ST8SIA4: variants seen among roughly 807,000 people sequenced by gnomAD.
ST8SIA4 encodes CMP-N-acetylneuraminate-poly-alpha-2,8-sialyltransferase.
A neutral mutation model predicts 33.9 loss-of-function variants in ST8SIA4; 15 were observed. The ratio of observed to expected loss-of-function variants is 0.44; its 90% confidence interval spans 0.30 to 0.68. The LOEUF (loss-of-function observed/expected upper bound fraction) is 0.68. Ranked by LOEUF, ST8SIA4 falls within the 30% of genes least tolerant of loss-of-function variation. ST8SIA4 has a pLI of 0.10. For missense variants in ST8SIA4, 321 were observed against 428.0 expected, an observed-to-expected ratio of 0.75 and a Z score of 2.21; for synonymous variants, 171 against 151.2, an observed-to-expected ratio of 1.13 and a Z score of -0.96.
Position 100,903,277 on chromosome 5 carries a change from G to A in ST8SIA4, c.-322C>T. 1 of 342,776 alleles carries A rather than the reference G, an allele frequency of 2.9e-6. No homozygotes were observed. The highest frequency in any genetic ancestry group is 7.2e-5 in the East Asian group (1 of 13,948). 21.2% of individuals were successfully genotyped at this position (342,776 alleles called of 1,614,324 possible). A position where few individuals can be genotyped will look rare whatever the true frequency, so the allele number is the denominator to read the frequency against. ...GGCAGCTTCTGCAGCTGGGTTCGGG[G>A]GCGTCACTGGCCCTTCCCTCTTGCT... On this transcript the variant is annotated 5_prime_UTR_variant, in exon 1 of 5. Coordinates refer to ENST00000231461, the MANE Select transcript of ST8SIA4 (RefSeq NM_005668.6).
intron 4 of ST8SIA4, among the ~76,000 whole-genome samples, chr5:100,823,496 G>A (rs1751076210): frequency 1.3e-5 from 2 of 152,142 alleles, no homozygotes; most frequent in African/African-American, 4.8e-5. Context: ...CACTCTTGGG[G>A]TCTAGATGGG....
chr5:100,869,466 T>C (rs1221732865), intron 3 of ST8SIA4, among the ~76,000 whole-genome samples: 1 of 152,182 alleles, frequency 6.6e-6, no homozygotes, highest in African/African-American at 2.4e-5. Context: ...TGTTATCATC[T>C]TACTTTCTGC....
At chr5:100,878,987 G>C (rs114075315) in intron 3 of ST8SIA4, among the ~76,000 whole-genome samples, 10 of 152,032 alleles carry the variant, frequency 6.6e-5, no homozygotes, top group Admixed American at 6.6e-4. Flanking sequence ...ATCCCGTACC[G>C]CATGAAAGAC....
rs969191590 is a variant in ST8SIA4, at chr5:100,899,635, T to C, written c.113+3208A>G. Among the ~76,000 whole-genome samples the C allele has an allele frequency of 1.3e-5, 2 of 152,212 alleles. 1 individual carries two copies. The highest frequency in any genetic ancestry group is 2.9e-5 in the Non-Finnish European group (2 of 68,032). On this transcript the variant is annotated intron_variant, in intron 1 of 4. Transcript: ENST00000231461. ...ACCAGAAAAATAGTGTGTAGCAAGATTTAAGGACTAACAAAACAAATATTT... is the reference window on the plus strand; with the variant it reads ...ACCAGAAAAATAGTGTGTAGCAAGACTTAAGGACTAACAAAACAAATATTT...
chr5:100,829,086 C>A (rs1204183242), intron 4 of ST8SIA4, among the ~76,000 whole-genome samples: 1 of 152,164 alleles, frequency 6.6e-6, no homozygotes, highest in East Asian at 1.9e-4. Flanking sequence ...CTATAAACTG[C>A]GAATATTCTG....
At chr5:100,891,203 T>C (rs539809514) in intron 2 of ST8SIA4, among the ~76,000 whole-genome samples, 1 of 152,092 alleles carries the variant, frequency 6.6e-6, no homozygotes, top group Non-Finnish European at 1.5e-5. Context: ...AGGTGGAATG[T>C]ATCACAAGTT....
chr5:100,844,730 C>G (rs542683502), intron 4 of ST8SIA4, among the ~76,000 whole-genome samples: 55 of 152,104 alleles, frequency 3.6e-4, no homozygotes, highest in Admixed American at 1.8e-3. Context: ...GGCTCCAATA[C>G]TTGCCTTTAT....
At chr5:100,895,274 A>G (rs1243754968) in intron 2 of ST8SIA4, among the ~76,000 whole-genome samples, 1 of 152,060 alleles carries the variant, frequency 6.6e-6, no homozygotes, top group Admixed American at 6.6e-5. Flanking sequence ...ATAGGCTCTA[A>G]TTTTCAGCTA....
At chr5:100,816,619 C>T (rs1750924448) in intron 4 of ST8SIA4, 1 of 505,730 alleles carries the variant, frequency 2.0e-6, no homozygotes, top group South Asian at 1.5e-5. Flanking sequence ...TCAAATGTGA[C>T]AATTTCTAGA....
At chr5:100,899,661 A>G (rs867665914) in intron 1 of ST8SIA4, among the ~76,000 whole-genome samples, 17 of 152,216 alleles carry the variant, frequency 1.1e-4, no homozygotes, top group Admixed American at 1.3e-4. Flanking sequence ...ACAAATATTT[A>G]TATGACATTA....
chr5:100,824,945 T>C (rs1227063118), intron 4 of ST8SIA4, among the ~76,000 whole-genome samples: 1 of 151,468 alleles, frequency 6.6e-6, no homozygotes, highest in Non-Finnish European at 1.5e-5. Flanking sequence ...CCTGTAGTCT[T>C]AGTTATTGGA....
At chr5:100,847,082 G>A (rs2544918) in intron 4 of ST8SIA4, among the ~76,000 whole-genome samples, 150,684 of 152,162 alleles carry the variant, frequency 0.99, 74,630 homozygotes, top group East Asian at 1. Flanking sequence ...CCTAATACGC[G>A]GCATCTAGCT....
rs1750781752 is a variant in ST8SIA4, at chr5:100,809,958, A to ACAC, written c.*1888_*1889insGTG. ...TACTGTGAATATCCTTTTCCATGGT[A>ACAC]ACACACACACACACACACGTACTTC... On this transcript the variant is annotated 3_prime_UTR_variant, in exon 5 of 5. Coordinates refer to ENST00000231461, the MANE Select transcript of ST8SIA4 (RefSeq NM_005668.6). The ACAC allele has an allele frequency of 1.3e-5, 2 of 150,388 alleles. No individual in the cohort carries two copies. Among genetic ancestry groups the ACAC allele is most frequent in the Non-Finnish European group, 3.0e-5 (2 of 67,482 alleles). 9.3% of individuals were successfully genotyped at this position (150,388 alleles called of 1,614,324 possible). A position where few individuals can be genotyped will look rare whatever the true frequency, so the allele number is the denominator to read the frequency against.
At chr5:100,813,825 ACTAT>A (rs1023197210) in intron 4 of ST8SIA4, among the ~76,000 whole-genome samples, 4 of 152,124 alleles carry the variant, frequency 2.6e-5, no homozygotes, top group African/African-American at 7.2e-5. Flanking sequence ...TTAAAAAAAA[ACTAT>A]CTATTTATAA....
chr5:100,892,131 T>C (rs1241433814), intron 2 of ST8SIA4, among the ~76,000 whole-genome samples: 1 of 152,102 alleles, frequency 6.6e-6, no homozygotes, highest in Non-Finnish European at 1.5e-5. Flanking sequence ...CTATAATTGA[T>C]GTTTGCACTT....
chr5:100,856,289 T>C lies in ST8SIA4; in HGVS notation c.611A>G (p.Asn204Ser). 1 of 1,614,126 alleles carries C rather than the reference T, an allele frequency of 6.2e-7. No homozygotes were observed. Among genetic ancestry groups the C allele is most frequent in the Non-Finnish European group, 8.5e-7 (1 of 1,179,982 alleles). The change falls in exon 4 of 5, where the codon AAT becomes AGT. Residue 204 changes from asparagine (N) to serine (S), a missense_variant. By Grantham distance (46) the Asn-to-Ser change is conservative. Coordinates refer to ENST00000231461, the MANE Select transcript of ST8SIA4 (RefSeq NM_005668.6). ...CACAAATTTTTCTCTGTCACTCTCA[T>C]TTCGAAAGCCTCCAAATGCTCTTTG... ...VVQRAFGGFR[N>S]ESDREKFVHR...
chr5:100,828,320 T>C (rs1751183978), intron 4 of ST8SIA4, among the ~76,000 whole-genome samples: 1 of 152,206 alleles, frequency 6.6e-6, no homozygotes, highest in Non-Finnish European at 1.5e-5. Context: ...AGTTCCTCTT[T>C]TGTGCCAGGC....
At chr5:100,894,401 C>G (rs745765137) in intron 2 of ST8SIA4, among the ~76,000 whole-genome samples, 10 of 152,080 alleles carry the variant, frequency 6.6e-5, no homozygotes, top group Non-Finnish European at 1.3e-4. Context: ...TCATCAGACT[C>G]TACTCATCTA....
Position 100,903,265 on chromosome 5 carries a change from G to A in ST8SIA4, c.-310C>T, listed in dbSNP as rs1322564817. ...ATTGGAGGTGGCGGCAGCTTCTGCAGCTGGGTTCGGGGGCGTCACTGGCCC... is the reference window on the plus strand; with the variant it reads ...ATTGGAGGTGGCGGCAGCTTCTGCAACTGGGTTCGGGGGCGTCACTGGCCC... On this transcript the variant is annotated 5_prime_UTR_variant, in exon 1 of 5. Transcript: ENST00000231461. 4 of 358,864 alleles carry A rather than the reference G, an allele frequency of 1.1e-5. No homozygotes were observed. Among genetic ancestry groups the A allele is most frequent in the African/African-American group, 8.5e-5 (4 of 47,302 alleles). 22.2% of individuals were successfully genotyped at this position (358,864 alleles called of 1,614,324 possible). A position where few individuals can be genotyped will look rare whatever the true frequency, so the allele number is the denominator to read the frequency against.
Sources: gnomAD v4.1 joint callset for allele counts (sites outside exome capture counted in the v4.1 genomes callset) on GRCh38, gnomAD v4.1.1 for gene constraint, MANE v1.5 for transcripts, NCBI Gene and HGNC (gene_info 2026-07-23, HGNC 2026-07-21) for gene names.